Variants in KLF8 observed in about 807,000 individuals in gnomAD.
KLF8 encodes Krueppel-like factor 8.
Under a neutral mutation model 18.2 loss-of-function variants are expected in KLF8, and 10 were observed. The ratio of observed to expected loss-of-function variants is 0.55; its 90% CI spans 0.34 to 0.93. The LOEUF (loss-of-function observed/expected upper bound fraction) is 0.93, where lower values mean the gene tolerates loss of function less well. KLF8 is among the 40% of genes least tolerant of loss of function. KLF8 has a pLI of 0.02. For missense variants in KLF8, 264 were observed against 277.9 expected (o/e 0.95, Z 0.36); for synonymous variants, 109 against 97.3 (o/e 1.12, Z -0.71).
Position 56,253,764 on chromosome X carries a change from C to CTTTTTTTTTTTTTTTTTTTTTTTT in KLF8, c.81+3474_81+3475insTTTTTTTTTTTTTTTTTTTTTTTT, listed in dbSNP as rs60291877. ...GTACATAATGTCTTTTTTTCTTTTT[C>CTTTTTTTTTTTTTTTTTTTTTTTT]TTTTTTTTTTTTTTGAGATGTTGTC... On this transcript the variant is annotated intron_variant, in intron 2 of 5. Coordinates refer to ENST00000468660, the MANE Select transcript of KLF8 (RefSeq NM_007250.5). Among the ~76,000 whole-genome samples the CTTTTTTTTTTTTTTTTTTTTTTTT allele has an allele frequency of 2.5e-4, 15 of 60,113 alleles. 1 individual carries two copies. Among genetic ancestry groups the CTTTTTTTTTTTTTTTTTTTTTTTT allele is most frequent in the Non-Finnish European group, 3.0e-4 (10 of 33,502 alleles). The allele number at this position is 60,113 out of a possible 115,157, so 52.2% of individuals were successfully genotyped here.
chrX:56,039,713 C>T, the KLF8 span, among the ~76,000 whole-genome samples: 2 of 111,518 alleles, frequency 1.8e-5, no homozygotes, highest in African/African-American at 3.3e-5. Context: ...TCTATTTGGG[C>T]TCTTTTTTGG....
chrX:55,914,741 A>T, the KLF8 span, among the ~76,000 whole-genome samples: 1 of 111,474 alleles, frequency 9.0e-6, no homozygotes, highest in Non-Finnish European at 1.9e-5. Flanking sequence ...GACACCAGAG[A>T]TATGCTATGT....
At chrX:56,022,580 A>G in the KLF8 span, among the ~76,000 whole-genome samples, 1 of 107,385 alleles carries the variant, frequency 9.3e-6, no homozygotes, top group East Asian at 2.8e-4. Flanking sequence ...AAGAAAAAAA[A>G]AAGAAAAATA....
chrX:56,053,157 G>T, the KLF8 span, among the ~76,000 whole-genome samples: 1 of 112,039 alleles, frequency 8.9e-6, no homozygotes, highest in Non-Finnish European at 1.9e-5. Flanking sequence ...ACTGACCTGC[G>T]CCCACTGTCT....
At chrX:56,085,357 C>A in the KLF8 span, among the ~76,000 whole-genome samples, 12 of 112,132 alleles carry the variant, frequency 1.1e-4, no homozygotes, top group African/African-American at 3.9e-4. Context: ...GAAAATCCAG[C>A]AGTGTAGTTC....
the KLF8 span, among the ~76,000 whole-genome samples, chrX:56,164,597 T>A: frequency 9.6e-6 from 1 of 103,745 alleles, no homozygotes; most frequent in Non-Finnish European, 2.0e-5. Context: ...TTTTATCCTC[T>A]AGAATATATT....
chrX:56,263,038 T>C lies in KLF8; in HGVS notation c.82-2142T>C, dbSNP rs184672891. ...TTTCTTTTGAAGATTCCTTGGATTC[T>C]ATCTTTTTAATCTGGGAATGGAGCT... On this transcript the variant is annotated intron_variant, in intron 2 of 5. Coordinates refer to ENST00000468660, the MANE Select transcript of KLF8 (RefSeq NM_007250.5). Among the ~76,000 whole-genome samples the C allele has an allele frequency of 3.6e-3, 404 of 112,581 alleles. 1 individual carries two copies. The highest frequency in any genetic ancestry group is 6.0e-3 in the Non-Finnish European group (322 of 53,323).
At chrX:56,208,869 G>A in the KLF8 span, among the ~76,000 whole-genome samples, 1 of 111,952 alleles carries the variant, frequency 8.9e-6, no homozygotes, top group Admixed American at 9.5e-5. Flanking sequence ...AGACTTGCAT[G>A]TGATCTAACA....
chrX:56,266,741 A>G (rs2066978627), intron 3 of KLF8: 1 of 753,431 alleles, frequency 1.3e-6, no homozygotes, highest in Non-Finnish European at 1.6e-6. Flanking sequence ...TTTTGCATAA[A>G]TCGGAAAGGC....
the KLF8 span, among the ~76,000 whole-genome samples, chrX:55,992,273 G>T: frequency 8.9e-6 from 1 of 112,129 alleles, no homozygotes; most frequent in Non-Finnish European, 1.9e-5. Flanking sequence ...GTTTATTTTT[G>T]TATGTGGGGA....
chrX:55,916,229 A>G, the KLF8 span, among the ~76,000 whole-genome samples: 2 of 112,078 alleles, frequency 1.8e-5, no homozygotes, highest in Non-Finnish European at 3.8e-5. Context: ...TACAGAGCAG[A>G]TATTTCCAAA....
chrX:56,014,819 T>G, the KLF8 span: 2 of 88,878 alleles, frequency 2.3e-5, no homozygotes, highest in Non-Finnish European at 4.3e-5. Flanking sequence ...AAGATCATGT[T>G]TTTTTTTTTT....
chrX:56,081,224 G>T, the KLF8 span, among the ~76,000 whole-genome samples: 2 of 111,307 alleles, frequency 1.8e-5, no homozygotes, highest in African/African-American at 6.5e-5. Flanking sequence ...GAGGCGCTCT[G>T]CTTTTTGGAG....
the KLF8 span, among the ~76,000 whole-genome samples, chrX:56,024,805 A>T: frequency 0.088 from 9,786 of 111,388 alleles, 1,052 homozygotes; most frequent in African/African-American, 0.31. Flanking sequence ...TGGTTTTGGG[A>T]CTGGGTTTGG....
the KLF8 span, among the ~76,000 whole-genome samples, chrX:56,036,709 T>A: frequency 8.9e-6 from 1 of 111,924 alleles, no homozygotes; most frequent in Non-Finnish European, 1.9e-5. Flanking sequence ...ATTTTTTTTC[T>A]TTGAAGAATG....
chrX:56,092,428 GT>G, the KLF8 span, among the ~76,000 whole-genome samples: 1 of 111,379 alleles, frequency 9.0e-6, no homozygotes, highest in African/African-American at 3.3e-5. Context: ...TATTTTTATA[GT>G]TTTGGGTCTT....
At chrX:56,093,297 C>G in the KLF8 span, among the ~76,000 whole-genome samples, 1 of 110,866 alleles carries the variant, frequency 9.0e-6, no homozygotes, top group African/African-American at 3.3e-5. Flanking sequence ...TTGAAAGAAA[C>G]CAATGAAGAG....
the KLF8 span, among the ~76,000 whole-genome samples, chrX:55,957,514 G>A: frequency 8.9e-6 from 1 of 111,993 alleles, no homozygotes; most frequent in African/African-American, 3.2e-5. Flanking sequence ...AAGTCTTCCA[G>A]TCTATGAACA....
chrX:56,065,978 C>T, the KLF8 span, among the ~76,000 whole-genome samples: 1 of 111,368 alleles, frequency 9.0e-6, no homozygotes, highest in African/African-American at 3.3e-5. Context: ...GACAGCAGGT[C>T]TAGGTAGGCT....
Sources: gnomAD v4.1 joint callset for allele counts (sites outside exome capture counted in the v4.1 genomes callset) on GRCh38, gnomAD v4.1.1 for gene constraint, MANE v1.5 for transcripts, NCBI Gene and HGNC (gene_info 2026-07-23, HGNC 2026-07-21) for gene names.